TRIM71: variants seen among roughly 807,000 people sequenced by gnomAD.
TRIM71 encodes the protein E3 ubiquitin-protein ligase TRIM71.
TRIM71 carries 9 observed loss-of-function variants against 61.2 expected under a neutral mutation model. That is an observed-to-expected ratio of 0.15 (90% CI 0.09 to 0.26). The LOEUF (loss-of-function observed/expected upper bound fraction) is 0.26. Among genes scored for constraint, TRIM71 ranks in the 10% least tolerant of loss-of-function variants. TRIM71 has a pLI of 1.00. For synonymous variants in TRIM71, 645 were observed against 553.2 expected (o/e 1.17, Z -2.33); for missense variants, 998 against 1,238.7 (o/e 0.81, Z 2.92).
At chr3:32,857,506 C>T (rs1228516390) in intron 1 of TRIM71, among the ~76,000 whole-genome samples, 1 of 152,162 alleles carries the variant, frequency 6.6e-6, no homozygotes, top group Admixed American at 6.5e-5. Context: ...ACGCCCTGTA[C>T]AGTCAAATTT....
intron 1 of TRIM71, among the ~76,000 whole-genome samples, chr3:32,858,082 AAG>A (rs774626773): frequency 2.6e-5 from 4 of 152,132 alleles, no homozygotes; most frequent in East Asian, 1.9e-4. Context: ...GCTGAGGAGG[AAG>A]AGAGAGAGGA....
chr3:32,818,587 GGCGCCGCAGCCGCCC>G lies in TRIM71; in HGVS notation c.513_527del (p.Gln172_Pro176del). On this transcript the variant is annotated inframe_deletion, in exon 1 of 4. Transcript: ENST00000383763. ...CCGCCTCCGCGCCGCCACTCCCGCA[GGCGCCGCAGCCGCCC>G]GCGCCTTCCCGCTCGGCACCCGGCG... 7.7e-7 allele frequency: 1 copy of G among 1,304,352 alleles called. No homozygotes were observed. The highest frequency in any genetic ancestry group is 2.4e-5 in the South Asian group (1 of 41,072). The allele number at this position is 1,304,352 out of a possible 1,614,324, so 80.8% of individuals were successfully genotyped here.
intron 1 of TRIM71, among the ~76,000 whole-genome samples, chr3:32,826,308 A>T (rs1481822300): frequency 6.6e-6 from 1 of 152,110 alleles, no homozygotes; most frequent in African/African-American, 2.4e-5. Context: ...AAATACAAAA[A>T]TTAGCCGGAC....
intron 1 of TRIM71, among the ~76,000 whole-genome samples, chr3:32,847,397 G>A (rs1357227672): frequency 1.3e-5 from 2 of 152,060 alleles, no homozygotes; most frequent in Non-Finnish European, 2.9e-5. Flanking sequence ...GTTTCTCCAC[G>A]TTGGTCAGGC....
chr3:32,840,511 C>A (rs1268743234), intron 1 of TRIM71, among the ~76,000 whole-genome samples: 1 of 152,160 alleles, frequency 6.6e-6, no homozygotes, highest in Non-Finnish European at 1.5e-5. Context: ...AGAGACAAAG[C>A]CCCGAAATTG....
intron 1 of TRIM71, among the ~76,000 whole-genome samples, chr3:32,852,759 T>TAA (rs36040321): frequency 0.019 from 2,582 of 133,844 alleles, 31 homozygotes; most frequent in African/African-American, 0.048. Flanking sequence ...TACTGTCTTT[T>TAA]AAAAAAAAAA....
intron 1 of TRIM71, among the ~76,000 whole-genome samples, chr3:32,863,555 C>T (rs889738469): frequency 6.6e-6 from 1 of 152,160 alleles, no homozygotes; most frequent in African/African-American, 2.4e-5. Flanking sequence ...CTGTTGTTTT[C>T]TTCCACGTTG....
chr3:32,841,593 G>A (rs1420788635), intron 1 of TRIM71, among the ~76,000 whole-genome samples: 1 of 152,126 alleles, frequency 6.6e-6, no homozygotes, highest in Non-Finnish European at 1.5e-5. Flanking sequence ...ACTCCAGCGT[G>A]GGCCACGAGT....
chr3:32,876,400 A>T, intron 2 of TRIM71, among the ~76,000 whole-genome samples: 1 of 152,186 alleles, frequency 6.6e-6, no homozygotes, highest in Non-Finnish European at 1.5e-5. Flanking sequence ...CCTGGCCAAC[A>T]TGGTGAAACC....
At chr3:32,874,919 C>T (rs1192283033) in intron 2 of TRIM71, among the ~76,000 whole-genome samples, 1 of 152,176 alleles carries the variant, frequency 6.6e-6, no homozygotes, top group African/African-American at 2.4e-5. Context: ...CTCTCAGGTT[C>T]AAGTGATTCT....
intron 1 of TRIM71, among the ~76,000 whole-genome samples, chr3:32,868,691 T>G (rs1461613586): frequency 6.6e-6 from 1 of 151,530 alleles, no homozygotes; most frequent in Non-Finnish European, 1.5e-5. Context: ...TTAGGGTTTT[T>G]TTTTTTTTTA....
chr3:32,818,251 C>T lies in TRIM71; in HGVS notation c.171C>T (p.His57=), dbSNP rs767363093. ...CTGGGGCGGCGGCGCGCCGCCTACA[C>T]GTCCTGCCCTGCCTGCACGCCTTCT... The part of the protein sequence containing the change: ...GGPGAAARRL[H]VLPCLHAFCR... The change falls in exon 1 of 4, where the codon CAC becomes CAT. Residue 57 remains histidine, a synonymous_variant. Transcript: ENST00000383763. The T allele has an allele frequency of 4.8e-5, 71 of 1,465,518 alleles. No individual in the cohort carries two copies. The East Asian group carries it at 1.2e-3, about 25-fold the overall frequency. 90.8% of individuals were successfully genotyped at this position (1,465,518 alleles called of 1,614,324 possible).
intron 1 of TRIM71, among the ~76,000 whole-genome samples, chr3:32,852,212 T>C (rs1696545863): frequency 6.6e-6 from 1 of 152,038 alleles, no homozygotes; most frequent in South Asian, 2.1e-4. Flanking sequence ...ACAGGGACAG[T>C]GTCACGGCCT....
At chr3:32,848,014 A>G (rs1696494780) in intron 1 of TRIM71, among the ~76,000 whole-genome samples, 1 of 152,192 alleles carries the variant, frequency 6.6e-6, no homozygotes, top group African/African-American at 2.4e-5. Context: ...GTCTGCAAAT[A>G]CTACACCATT....
intron 1 of TRIM71, among the ~76,000 whole-genome samples, chr3:32,853,142 A>G (rs1696558199): frequency 7.2e-6 from 1 of 138,174 alleles, no homozygotes; most frequent in Non-Finnish European, 1.5e-5. Context: ...TTTTTGAGAC[A>G]GTCTCACTCT....
rs186818024 is a variant in TRIM71 at position 32,881,031 on chromosome 3, T to A, written c.1021-4903T>A. 2.8e-3 allele frequency among the ~76,000 whole-genome samples: 419 copies of A among 151,420 alleles called. 2 individuals are homozygous for A. The highest frequency in any genetic ancestry group is 9.6e-3 in the African/African-American group (394 of 40,858). ...ATTTTATATATGTATATATATATAT[T>A]TTTTTGAGGTGGAGTCTCACTCTGT... is the stretch of plus-strand genomic sequence containing the variant. On this transcript the variant is annotated intron_variant, in intron 2 of 3. Coordinates refer to ENST00000383763, the MANE Select transcript of TRIM71 (RefSeq NM_001039111.3).
intron 1 of TRIM71, among the ~76,000 whole-genome samples, chr3:32,837,082 T>C (rs1446786493): frequency 7.0e-6 from 1 of 143,716 alleles, no homozygotes; most frequent in Non-Finnish European, 1.6e-5. Context: ...CAGGCAAACT[T>C]GAAGTAGATT....
At chr3:32,889,581 A>ATTG (rs2125693184) in intron 3 of TRIM71, among the ~76,000 whole-genome samples, 1 of 147,466 alleles carries the variant, frequency 6.8e-6, no homozygotes, top group East Asian at 2.0e-4. Context: ...TATTATTATT[A>ATTG]TTATTATTAT....
intron 1 of TRIM71, among the ~76,000 whole-genome samples, chr3:32,844,583 G>A (rs766659575): frequency 3.3e-5 from 5 of 151,978 alleles, no homozygotes; most frequent in African/African-American, 4.8e-5. Flanking sequence ...ATTTTGTAGA[G>A]AGCGTCTCAC....
Sources: gnomAD v4.1 joint callset for allele counts (sites outside exome capture counted in the v4.1 genomes callset) on GRCh38, gnomAD v4.1.1 for gene constraint, MANE v1.5 for transcripts, NCBI Gene and HGNC (gene_info 2026-07-23, HGNC 2026-07-21) for gene names.